Variants in SORCS1 observed in about 807,000 individuals in gnomAD.
SORCS1 encodes VPS10 domain-containing receptor SorCS1.
In SORCS1, 60 loss-of-function variants were observed where a neutral mutation model predicts 146.1. That is an observed-to-expected ratio of 0.41 (90% confidence interval 0.33 to 0.51). The LOEUF (loss-of-function observed/expected upper bound fraction) is 0.51, where lower values mean the gene tolerates loss of function less well. Among genes scored for constraint, SORCS1 ranks in the 20% least tolerant of loss-of-function variants. The pLI is 0.21. For missense variants in SORCS1, 1,352 were observed against 1,487.6 expected, an observed-to-expected ratio of 0.91 and a Z score of 1.50; for synonymous variants, 637 against 584.0, an observed-to-expected ratio of 1.09 and a Z score of -1.31.
At chr10:106,747,630 G>A (rs561814479) in intron 5 of SORCS1, among the ~76,000 whole-genome samples, 2 of 151,946 alleles carry the variant, frequency 1.3e-5, no homozygotes, top group Admixed American at 6.6e-5. Flanking sequence ...TCTGCATCTC[G>A]GTAGTTATCT....
At chr10:107,009,471 G>A (rs1240679913) in intron 1 of SORCS1, among the ~76,000 whole-genome samples, 2 of 152,300 alleles carry the variant, frequency 1.3e-5, no homozygotes, top group South Asian at 4.1e-4. Flanking sequence ...ATTGAGAAGA[G>A]AAATCACTAC....
chr10:106,585,277 T>A (rs894734154), intron 24 of SORCS1, among the ~76,000 whole-genome samples: 1 of 152,004 alleles, frequency 6.6e-6, no homozygotes, highest in African/African-American at 2.4e-5. Context: ...AATCCATATA[T>A]GTGACAAGGT....
Position 106,688,217 on chromosome 10 carries a change from C to T in SORCS1, c.1535G>A (p.Arg512Lys). 1 of 1,613,982 alleles carries T rather than the reference C, an allele frequency of 6.2e-7. No individual in the cohort carries two copies. Among genetic ancestry groups the T allele is most frequent in the Non-Finnish European group, 8.5e-7 (1 of 1,179,888 alleles). ...CAGCAAGCAGTGCACGGGGTCCCCC[C>T]TTAGATCCGTGTCCGGCGCCTGCAG... ...RLLQAPDTDL[R>K]GDPVHCLLPY... The change falls in exon 10 of 26, where the codon AGG becomes AAG. Residue 512 changes from arginine (R) to lysine (K), a missense_variant. Physicochemically the swap from Arg to Lys is conservative, Grantham distance 26 (BLOSUM62 2). Coordinates refer to ENST00000263054, the MANE Select transcript of SORCS1 (RefSeq NM_052918.5).
chr10:106,675,615 G>C (rs1485279017), intron 13 of SORCS1, among the ~76,000 whole-genome samples: 1 of 152,118 alleles, frequency 6.6e-6, no homozygotes, highest in Non-Finnish European at 1.5e-5. Context: ...ATAAATCCTG[G>C]TTGACCTTAC....
At chr10:106,688,065 A>C in intron 10 of SORCS1, 127 bp downstream of exon 10, 1 of 1,336,170 alleles carries the variant, frequency 7.5e-7, no homozygotes, top group Non-Finnish European at 1.0e-6. Flanking sequence ...CTTTGCCTTC[A>C]CGCCCTTCCC....
At chr10:106,644,923 T>C (rs1193641596) in intron 18 of SORCS1, among the ~76,000 whole-genome samples, 1 of 152,198 alleles carries the variant, frequency 6.6e-6, no homozygotes, top group East Asian at 1.9e-4. Flanking sequence ...ACTTTTGCAA[T>C]GCATATTATC....
At chr10:106,948,803 CA>C in intron 2 of SORCS1, among the ~76,000 whole-genome samples, 1 of 151,568 alleles carries the variant, frequency 6.6e-6, no homozygotes, top group Admixed American at 6.6e-5. Context: ...ACTAAAAATA[CA>C]AAAAAAATTA....
At chr10:106,825,446 G>A (rs1227840483) in intron 3 of SORCS1, among the ~76,000 whole-genome samples, 2 of 151,702 alleles carry the variant, frequency 1.3e-5, no homozygotes, top group Non-Finnish European at 2.9e-5. Flanking sequence ...TAATTATTTT[G>A]TATTTTTAGT....
At position 107,060,324 on chromosome 10, in the gene SORCS1, T is replaced by C. The variant is rs886276322; in HGVS notation, c.558+103645A>G. Among the ~76,000 whole-genome samples the C allele has an allele frequency of 2.0e-5, 3 of 152,204 alleles. No homozygotes were observed. Among genetic ancestry groups the C allele is most frequent in the Non-Finnish European group, 2.9e-5 (2 of 68,024 alleles). On this transcript the variant is annotated intron_variant, in intron 1 of 25. Coordinates refer to ENST00000263054, the MANE Select transcript of SORCS1 (RefSeq NM_052918.5). The surrounding 1 kb of genome is among the most constrained non-coding windows in gnomAD (Gnocchi z 4.1). ...CTCATCTGTAAAAGTGGGGTACTAG[T>C]ACTGAGGAGGGTTCTTGCGAGATTA...
At chr10:106,836,462 G>C (rs900202192) in intron 2 of SORCS1, among the ~76,000 whole-genome samples, 1 of 135,666 alleles carries the variant, frequency 7.4e-6, no homozygotes, top group Non-Finnish European at 1.6e-5. Flanking sequence ...GCGATAGAGC[G>C]AGACTCGGTC....
chr10:106,600,386 C>T, intron 23 of SORCS1: 1 of 977,928 alleles, frequency 1.0e-6, no homozygotes, highest in Non-Finnish European at 1.2e-6. Flanking sequence ...ACAATGAACA[C>T]ATGCTTTGTG....
At chr10:106,963,618 G>A (rs577613545) in intron 1 of SORCS1, among the ~76,000 whole-genome samples, 2 of 151,962 alleles carry the variant, frequency 1.3e-5, no homozygotes, top group Admixed American at 1.3e-4. Flanking sequence ...TACAACTTAT[G>A]GGCATAAAAC....
chr10:107,100,977 T>C (rs1964883840), intron 1 of SORCS1, among the ~76,000 whole-genome samples: 1 of 152,182 alleles, frequency 6.6e-6, no homozygotes, highest in Non-Finnish European at 1.5e-5. Flanking sequence ...TCACTATAAC[T>C]TGGAACTCCT....
intron 2 of SORCS1, among the ~76,000 whole-genome samples, chr10:106,903,409 G>T (rs1341001770): frequency 6.6e-6 from 1 of 152,190 alleles, no homozygotes; most frequent in Non-Finnish European, 1.5e-5. Context: ...AGTGCCAGTT[G>T]TTTCTTGTCC....
chr10:107,044,512 T>TAA (rs59253149), intron 1 of SORCS1, among the ~76,000 whole-genome samples: 3,284 of 74,036 alleles, frequency 0.044, 418 homozygotes, highest in African/African-American at 0.16. Flanking sequence ...TTCTAATTTG[T>TAA]AAAAAAAAAA....
intron 1 of SORCS1, among the ~76,000 whole-genome samples, chr10:107,006,600 G>A (rs917911100): frequency 1.7e-4 from 26 of 152,130 alleles, no homozygotes; most frequent in Non-Finnish European, 2.5e-4. Context: ...GGCAGATCAC[G>A]AGGTCAGGAG....
At chr10:106,782,262 AC>A (rs1228798854) in intron 3 of SORCS1, among the ~76,000 whole-genome samples, 1 of 152,172 alleles carries the variant, frequency 6.6e-6, no homozygotes, top group African/African-American at 2.4e-5. Flanking sequence ...ACGGAAAAAA[AC>A]AAGCATAAAA....
chr10:106,788,687 C>T (rs12251779), intron 3 of SORCS1, among the ~76,000 whole-genome samples: 2 of 152,184 alleles, frequency 1.3e-5, no homozygotes, highest in African/African-American at 2.4e-5. Flanking sequence ...CAGCTCTCCC[C>T]CTGTGGCTTT....
At chr10:106,946,614 A>G (rs2138833639) in intron 2 of SORCS1, among the ~76,000 whole-genome samples, 1 of 152,308 alleles carries the variant, frequency 6.6e-6, no homozygotes, top group Non-Finnish European at 1.5e-5. Context: ...AGTCAATTAA[A>G]CCTCTTTCCT....
Sources: allele counts gnomAD v4.1 joint callset (sites outside exome capture counted in the v4.1 genomes callset), GRCh38; gene constraint gnomAD v4.1.1; non-coding constraint Gnocchi (gnomAD v3.1); transcripts MANE v1.5; gene names NCBI Gene and HGNC (gene_info 2026-07-23, HGNC 2026-07-21).